Variants in ZC2HC1B observed in about 807,000 individuals in gnomAD.
ZC2HC1B encodes the protein zinc finger C2HC domain-containing protein 1B.
Under a neutral mutation model 31.0 loss-of-function variants are expected in ZC2HC1B, and 36 were observed. That is an observed-to-expected ratio of 1.16 (90% confidence interval 0.89 to 1.54). ZC2HC1B has a LOEUF of 1.54. Among genes scored for constraint, ZC2HC1B ranks in the 40% most tolerant of loss-of-function variants. The probability of loss-of-function intolerance (pLI) is 0.00; values close to 1 mark genes in which losing one functional copy is unlikely to be tolerated. For missense variants in ZC2HC1B, 260 were observed against 268.6 expected (o/e 0.97, Z 0.22); for synonymous variants, 73 against 88.0 (o/e 0.83, Z 0.95).
chr6:143,920,343 G>T (rs986749942), intron 6 of ZC2HC1B, among the ~76,000 whole-genome samples: 1 of 152,066 alleles, frequency 6.6e-6, no homozygotes, highest in Non-Finnish European at 1.5e-5. Flanking sequence ...TGTCAGTTAC[G>T]GTGTTGAAAA....
rs1423439245 is a variant in ZC2HC1B, at chr6:143,887,085, G to T, written c.349+264G>T. 6.6e-6 allele frequency among the ~76,000 whole-genome samples: 1 copy of T among 152,098 alleles called. No homozygotes were observed. Among genetic ancestry groups the T allele is most frequent in the Non-Finnish European group, 1.5e-5 (1 of 68,022 alleles). On this transcript the variant is annotated intron_variant, in intron 4 of 7. Transcript: ENST00000237275. The surrounding 1 kb of genome is among the most constrained non-coding windows in gnomAD (Gnocchi z 5.1). Reference sequence around the variant, plus strand: ...ACACCAGACACCTCTTAGCCGATAGGTATGGAGCTATGCAGAGCAAACTAA... The same window carrying T: ...ACACCAGACACCTCTTAGCCGATAGTTATGGAGCTATGCAGAGCAAACTAA...
At chr6:143,909,149 G>A (rs1035506677) in intron 6 of ZC2HC1B, among the ~76,000 whole-genome samples, 2 of 152,288 alleles carry the variant, frequency 1.3e-5, no homozygotes, top group South Asian at 2.1e-4. Context: ...GCTTTTTGAT[G>A]TGCTGCTGGA....
Position 143,917,190 on chromosome 6 carries a change from G to A in ZC2HC1B, c.598+14038G>A, listed in dbSNP as rs1777929786. On this transcript the variant is annotated intron_variant, in intron 6 of 7. Transcript: ENST00000237275. The surrounding 1 kb of genome is among the most constrained non-coding windows in gnomAD (Gnocchi z 4.1). Reference sequence around the variant, plus strand: ...AGGAGCTCCCCTGCACAAGCTCTCTGTTCTCTTGTCTGCTGCCATGTGAGA... The same window carrying A: ...AGGAGCTCCCCTGCACAAGCTCTCTATTCTCTTGTCTGCTGCCATGTGAGA... Among the ~76,000 whole-genome samples the A allele has an allele frequency of 6.6e-6, 1 of 152,172 alleles. No homozygotes were observed. The highest frequency in any genetic ancestry group is 6.5e-5 in the Admixed American group (1 of 15,278).
At position 143,937,500 on chromosome 6, in the gene ZC2HC1B, T is replaced by C. The variant is rs932981904; in HGVS notation, c.599-149T>C. The stretch of plus-strand genomic sequence containing the variant: ...TTTGTCTGTAGCTACCCCACCCTCA[T>C]TGCCCTCCCCACCACACTCCCCCAC... On this transcript the variant is annotated intron_variant, in intron 6 of 7. Transcript: ENST00000237275. The C allele has an allele frequency of 1.9e-5, 9 of 463,926 alleles. No individual in the cohort carries two copies. In the East Asian group the frequency reaches 2.0e-4, roughly 10 times the overall value. The allele number at this position is 463,926 out of a possible 1,614,324, so 28.7% of individuals were successfully genotyped here. A position where few individuals can be genotyped will look rare whatever the true frequency, so the allele number is the denominator to read the frequency against.
At chr6:143,904,642 T>A (rs1322248245) in intron 6 of ZC2HC1B, among the ~76,000 whole-genome samples, 1 of 152,252 alleles carries the variant, frequency 6.6e-6, no homozygotes, top group African/African-American at 2.4e-5. Flanking sequence ...TTGCCTCTGG[T>A]GACCAAGGAA....
chr6:143,926,911 C>T (rs561042107), intron 6 of ZC2HC1B, among the ~76,000 whole-genome samples: 7 of 136,980 alleles, frequency 5.1e-5, no homozygotes, highest in South Asian at 2.5e-4. Flanking sequence ...CCCGGGTTCA[C>T]GCCATTCTCC....
At chr6:143,920,001 GA>G (rs536176730) in intron 6 of ZC2HC1B, among the ~76,000 whole-genome samples, 52 of 151,348 alleles carry the variant, frequency 3.4e-4, no homozygotes, top group Admixed American at 1.2e-3. Flanking sequence ...TTTTCAGTAA[GA>G]AAAAAAAATT....
At position 143,910,978 on chromosome 6, in the gene ZC2HC1B, C is replaced by A. The variant is rs188511641; in HGVS notation, c.598+7826C>A. Among the ~76,000 whole-genome samples the A allele has an allele frequency of 5.3e-5, 8 of 152,268 alleles. No individual in the cohort carries two copies. The East Asian group carries it at 1.5e-3, about 29-fold the overall frequency. ...ATGTTGGCCAGGGTAGTCTCAAACT[C>A]CTAATCTCAGGTTATTCACCTGCCT... On this transcript the variant is annotated intron_variant, in intron 6 of 7. Transcript: ENST00000237275.
At chr6:143,866,650 A>G (rs534878249) in intron 1 of ZC2HC1B, among the ~76,000 whole-genome samples, 1 of 152,370 alleles carries the variant, frequency 6.6e-6, no homozygotes, top group South Asian at 2.1e-4. Context: ...CTCAGTTGAA[A>G]GAACTCTAAC....
intron 6 of ZC2HC1B, among the ~76,000 whole-genome samples, chr6:143,928,716 G>C (rs1475717264): frequency 6.6e-6 from 1 of 151,894 alleles, no homozygotes; most frequent in Non-Finnish European, 1.5e-5. Context: ...TAATCTGTGA[G>C]AATGGAATGT....
chr6:143,879,489 G>A (rs1340985250), intron 1 of ZC2HC1B, among the ~76,000 whole-genome samples: 2 of 152,196 alleles, frequency 1.3e-5, no homozygotes, highest in East Asian at 1.9e-4. Context: ...AGTTGAGGCC[G>A]TTATTCCACC....
At chr6:143,880,272 G>A (rs1163066699) in intron 1 of ZC2HC1B, among the ~76,000 whole-genome samples, 1 of 152,138 alleles carries the variant, frequency 6.6e-6, no homozygotes, top group Non-Finnish European at 1.5e-5. Flanking sequence ...ATTCCAGATA[G>A]AGAGGAAAAA....
intron 1 of ZC2HC1B, among the ~76,000 whole-genome samples, chr6:143,873,306 C>T (rs1426732375): frequency 6.6e-6 from 1 of 152,230 alleles, no homozygotes; most frequent in Non-Finnish European, 1.5e-5. Context: ...GCAGCTCTGC[C>T]TCTGTGGCTT....
At chr6:143,930,210 G>A (rs903580261) in intron 6 of ZC2HC1B, among the ~76,000 whole-genome samples, 4 of 151,730 alleles carry the variant, frequency 2.6e-5, no homozygotes, top group Admixed American at 6.6e-5. Flanking sequence ...TTTTTTTAAT[G>A]TAGGTGTTTA....
rs1777660072 is a variant in ZC2HC1B at position 143,895,924 on chromosome 6, A to T, written c.350-2628A>T. ...GATTTTATGAAAACATTATTGATAG[A>T]GGAAGAGAGGTGACTCCGATTGAGC... On this transcript the variant is annotated intron_variant, in intron 4 of 7. Coordinates refer to ENST00000237275, the MANE Select transcript of ZC2HC1B (RefSeq NM_001013623.3). This position sits in a 1 kb window ranked among gnomAD's most constrained non-coding sequence, Gnocchi z 4.8. Among the ~76,000 whole-genome samples, 1 of 152,234 alleles carries T rather than the reference A, an allele frequency of 6.6e-6. No individual in the cohort carries two copies.
intron 4 of ZC2HC1B, among the ~76,000 whole-genome samples, chr6:143,890,965 TA>T (rs1265939148): frequency 6.6e-6 from 1 of 150,630 alleles, no homozygotes; most frequent in Non-Finnish European, 1.5e-5. Flanking sequence ...CCGTCTCTAC[TA>T]AAAAAAATAC....
rs974963238 is a variant in ZC2HC1B at position 143,913,196 on chromosome 6, C to A, written c.598+10044C>A. On this transcript the variant is annotated intron_variant, in intron 6 of 7. Coordinates refer to ENST00000237275, the MANE Select transcript of ZC2HC1B (RefSeq NM_001013623.3). The surrounding 1 kb of genome is among the most constrained non-coding windows in gnomAD (Gnocchi z 5.7). ...GAGCTCTGTCCCTAATATGTGCAGG[C>A]AGGTGTGGCTGGAGTGTCCAGCTAG... Among the ~76,000 whole-genome samples, 2 of 152,304 alleles carry A rather than the reference C, an allele frequency of 1.3e-5. No individual in the cohort carries two copies. Among genetic ancestry groups the A allele is most frequent in the Non-Finnish European group, 2.9e-5 (2 of 68,024 alleles).
chr6:143,928,824 G>GTTTTTTTTTTTTTTTTTTTTTTT (rs59359194), intron 6 of ZC2HC1B, among the ~76,000 whole-genome samples: 1 of 142,312 alleles, frequency 7.0e-6, no homozygotes, highest in African/African-American at 2.6e-5. Context: ...TATTCCTAGG[G>GTTTTTTTTTTTTTTTTTTTTTTT]TTTTTTTTTT....
Position 143,871,072 on chromosome 6 carries a change from A to T in ZC2HC1B, c.28+6505A>T, listed in dbSNP as rs562932195. Among the ~76,000 whole-genome samples the T allele has an allele frequency of 1.6e-3, 245 of 152,212 alleles. 1 individual carries two copies. The highest frequency in any genetic ancestry group is 5.5e-3 in the African/African-American group (229 of 41,526). On this transcript the variant is annotated intron_variant, in intron 1 of 7. Transcript: ENST00000237275. The surrounding 1 kb of genome is among the most constrained non-coding windows in gnomAD (Gnocchi z 4.1). ...TAGGAGGGGCCAAATGCAGCAACTT[A>T]TCCTTCATCTTAGAAGGAATATCTC... is the stretch of plus-strand genomic sequence containing the variant.
Sources: gnomAD v4.1 joint callset for allele counts (sites outside exome capture counted in the v4.1 genomes callset) on GRCh38, gnomAD v4.1.1 for gene constraint, Gnocchi (gnomAD v3.1) non-coding constraint, MANE v1.5 for transcripts, NCBI Gene and HGNC (gene_info 2026-07-23, HGNC 2026-07-21) for gene names.